BDH1: variants seen among roughly 807,000 people sequenced by gnomAD.
BDH1 encodes the protein 3-hydroxybutyrate dehydrogenase 1, also known as D-beta-hydroxybutyrate dehydrogenase, mitochondrial.
Under a neutral mutation model 33.1 loss-of-function variants are expected in BDH1, and 30 were observed. The ratio of observed to expected loss-of-function variants is 0.91; its 90% confidence interval spans 0.68 to 1.23. BDH1 has a LOEUF of 1.23. Ranked by LOEUF, BDH1 falls within the 50% of genes most tolerant of loss-of-function variation. The probability of loss-of-function intolerance (pLI) is 0.00; values close to 1 mark genes in which losing one functional copy is unlikely to be tolerated. For missense variants in BDH1, 443 were observed against 464.4 expected, an observed-to-expected ratio of 0.95 and a Z score of 0.42; for synonymous variants, 190 against 183.6, an observed-to-expected ratio of 1.03 and a Z score of -0.28.
intron 2 of BDH1, among the ~76,000 whole-genome samples, chr3:197,547,982 A>G (rs77655760): frequency 0.072 from 10,932 of 152,268 alleles, 461 homozygotes; most frequent in African/African-American, 0.083. Flanking sequence ...TATTTACTTT[A>G]TCTTCTACTA....
rs1007414308 is a variant in BDH1 at position 197,528,890 on chromosome 3, G to T, written c.267+3522C>A. The T allele has an allele frequency of 6.6e-6, 1 of 152,292 alleles. No individual in the cohort carries two copies. The highest frequency in any genetic ancestry group is 1.5e-5 in the Non-Finnish European group (1 of 68,076). 9.4% of individuals were successfully genotyped at this position (152,292 alleles called of 1,614,324 possible). A position where few individuals can be genotyped will look rare whatever the true frequency, so the allele number is the denominator to read the frequency against. ...AGGCCCTTTTGAAGAGTCTTCTGCAGCATCGAGCAGCCTCTGCCCTGTGCT... is the reference window on the plus strand; with the variant it reads ...AGGCCCTTTTGAAGAGTCTTCTGCATCATCGAGCAGCCTCTGCCCTGTGCT... On this transcript the variant is annotated intron_variant, in intron 5 of 7. Coordinates refer to ENST00000392379, the MANE Select transcript of BDH1 (RefSeq NM_203314.3). This position sits in a 1 kb window ranked among gnomAD's most constrained non-coding sequence, Gnocchi z 5.1.
intron 3 of BDH1, chr3:197,538,161 TAGAGA>T (rs1715309503): frequency 5.2e-6 from 2 of 381,754 alleles, no homozygotes; most frequent in Non-Finnish European, 1.0e-5. Context: ...ACAGAAAGAA[TAGAGA>T]AAAGTACATC....
intron 2 of BDH1, among the ~76,000 whole-genome samples, chr3:197,549,256 T>C (rs542003304): frequency 6.6e-6 from 1 of 152,298 alleles, no homozygotes; most frequent in Admixed American, 6.5e-5. Flanking sequence ...ACCTGGAATC[T>C]TGGAGACATT....
upstream of BDH1, among the ~76,000 whole-genome samples, chr3:197,558,879 G>C (rs1380622218): frequency 6.6e-6 from 1 of 152,104 alleles, no homozygotes; most frequent in Non-Finnish European, 1.5e-5. Context: ...TATCTTCATG[G>C]ATCTCCATTG....
intron 3 of BDH1, among the ~76,000 whole-genome samples, chr3:197,536,093 T>C (rs1715130970): frequency 6.6e-6 from 1 of 152,200 alleles, no homozygotes; most frequent in African/African-American, 2.4e-5. Flanking sequence ...CTTAAGTCTA[T>C]GATCCATTAA....
rs1711899024 is a variant in BDH1, at chr3:197,510,681, TA to T, written c.*1213del. The T allele has an allele frequency of 7.4e-5, 3 of 40,360 alleles. No homozygotes were observed. The highest frequency in any genetic ancestry group is 2.8e-4 in the Admixed American group (1 of 3,576). The allele number at this position is 40,360 out of a possible 1,614,324, so 2.5% of individuals were successfully genotyped here. On this transcript the variant is annotated 3_prime_UTR_variant, in exon 8 of 8. Coordinates refer to ENST00000392379, the MANE Select transcript of BDH1 (RefSeq NM_203314.3). ...GTGTGTGTGTGTGTGTACATGTGTG[TA>T]AGGTGTGTGTGTGTGTGTGTGTGTG...
chr3:197,552,221 G>A (rs764219496), intron 2 of BDH1, among the ~76,000 whole-genome samples: 36 of 152,146 alleles, frequency 2.4e-4, no homozygotes, highest in African/African-American at 6.3e-4. Flanking sequence ...CCCAGTGCTC[G>A]GCAAGTCCTA....
chr3:197,573,247 T>G (rs951794714), exon 1 of BDH1: 2 of 152,226 alleles, frequency 1.3e-5, no homozygotes, highest in African/African-American at 4.8e-5. Flanking sequence ...ACCAGCCGGA[T>G]CCTCTTAATT....
rs1215335182 is a variant in BDH1, at chr3:197,512,102, C to T, written c.825G>A (p.Lys275=). 18 of 1,614,246 alleles carry T rather than the reference C, an allele frequency of 1.1e-5. No individual in the cohort carries two copies. Among genetic ancestry groups the T allele is most frequent in the Non-Finnish European group, 1.5e-5 (18 of 1,180,046 alleles). The part of the protein sequence containing the change: ...PEVVRKDYGK[K]YFDEKIAKME... ...TCTTGGCGATCTTTTCATCAAAGTACTTCTTGCCGTAGTCCTTGCGCACGA... is the reference window on the plus strand; with the variant it reads ...TCTTGGCGATCTTTTCATCAAAGTATTTCTTGCCGTAGTCCTTGCGCACGA... The change falls in exon 8 of 8, where the codon AAG becomes AAA. Residue 275 remains lysine, a synonymous_variant. Transcript: ENST00000392379.
intron 3 of BDH1, among the ~76,000 whole-genome samples, chr3:197,535,731 T>A (rs1172011182): frequency 6.6e-6 from 1 of 152,208 alleles, no homozygotes; most frequent in African/African-American, 2.4e-5. Context: ...AAAGATTTTC[T>A]TCTATGTTCT....
chr3:197,533,384 TG>T, intron 4 of BDH1, 104 bp downstream of exon 4: 1 of 1,220,438 alleles, frequency 8.2e-7, no homozygotes, highest in Non-Finnish European at 1.2e-6. Context: ...CCCAGTGTCC[TG>T]GAAACACTAA....
Position 197,512,035 on chromosome 3 carries a change from CAG to C in BDH1, c.890_891del (p.Pro297ArgfsTer91). 1 of 1,614,156 alleles carries C rather than the reference CAG, an allele frequency of 6.2e-7. No homozygotes were observed. Among genetic ancestry groups the C allele is most frequent in the Admixed American group, 1.7e-5 (1 of 60,020 alleles). ...YCSSGSTDTS[P>X]VIDAVTHALT... ...AGGGCGTGTGTGACAGCATCGATGA[CAG>C]GGGACGTGTCTGTGGAGCCACTGCT... On this transcript the variant is annotated frameshift_variant, in exon 8 of 8. Coordinates refer to ENST00000392379, the MANE Select transcript of BDH1 (RefSeq NM_203314.3). LOFTEE classifies it high-confidence loss of function.
At chr3:197,551,018 A>G (rs1202766482) in intron 2 of BDH1, among the ~76,000 whole-genome samples, 1 of 152,222 alleles carries the variant, frequency 6.6e-6, no homozygotes, top group Non-Finnish European at 1.5e-5. Flanking sequence ...CACCTGAGGG[A>G]AAATGGAGTA....
intron 3 of BDH1, among the ~76,000 whole-genome samples, chr3:197,536,962 ATTGTT>A (rs931019515): frequency 1.6e-4 from 25 of 152,160 alleles, no homozygotes; most frequent in Admixed American, 1.2e-3. Flanking sequence ...TACAAATGGT[ATTGTT>A]TTGTTTTGTT....
chr3:197,553,170 G>A (rs112344314), intron 2 of BDH1, among the ~76,000 whole-genome samples: 7,540 of 150,722 alleles, frequency 0.05, 611 homozygotes, highest in African/African-American at 0.17. Flanking sequence ...TGCCCACCTC[G>A]GCCTCCCAAA....
At chr3:197,546,900 C>T (rs1166995341) in intron 2 of BDH1, among the ~76,000 whole-genome samples, 1 of 152,204 alleles carries the variant, frequency 6.6e-6, no homozygotes, top group African/African-American at 2.4e-5. Flanking sequence ...CCTGTGGTGC[C>T]CCAGGGCATC....
Position 197,528,566 on chromosome 3 carries a change from C to A in BDH1, c.267+3846G>T, listed in dbSNP as rs1031123783. The A allele has an allele frequency of 6.6e-6, 1 of 152,254 alleles. No homozygotes were observed. Among genetic ancestry groups the A allele is most frequent in the South Asian group, 2.1e-4 (1 of 4,836 alleles). The allele number at this position is 152,254 out of a possible 1,614,324, so 9.4% of individuals were successfully genotyped here. A position where few individuals can be genotyped will look rare whatever the true frequency, so the allele number is the denominator to read the frequency against. On this transcript the variant is annotated intron_variant, in intron 5 of 7. Transcript: ENST00000392379. This position sits in a 1 kb window ranked among gnomAD's most constrained non-coding sequence, Gnocchi z 5.1. ...AGCAAATTCCCCCTTTCAACCCCCA[C>A]GGTGCCTTATCCAAAGCCTCTGGTG...
chr3:197,512,453 G>C, intron 7 of BDH1, 89 bp from the exon 8 acceptor site: 1 of 1,401,502 alleles, frequency 7.1e-7, no homozygotes, highest in Non-Finnish European at 9.5e-7. Context: ...AGGCTTGGCT[G>C]GAACCACTTC....
rs1228035546 is a variant in BDH1 at position 197,521,069 on chromosome 3, C to T, written c.409+1571G>A. Among the ~76,000 whole-genome samples, 1 of 152,188 alleles carries T rather than the reference C, an allele frequency of 6.6e-6. No individual in the cohort carries two copies. The highest frequency in any genetic ancestry group is 1.5e-5 in the Non-Finnish European group (1 of 68,022). On this transcript the variant is annotated intron_variant, in intron 6 of 7. Transcript: ENST00000392379. This position sits in a 1 kb window ranked among gnomAD's most constrained non-coding sequence, Gnocchi z 4.9. The stretch of plus-strand genomic sequence containing the variant: ...CTGATACAGGCTCAGCAGAGCTCCC[C>T]GCATGGGATCTGGTCACTCCTGCCT...
Sources: gnomAD v4.1 joint callset for allele counts (sites outside exome capture counted in the v4.1 genomes callset) on GRCh38, gnomAD v4.1.1 for gene constraint, Gnocchi (gnomAD v3.1) non-coding constraint, MANE v1.5 for transcripts, NCBI Gene and HGNC (gene_info 2026-07-23, HGNC 2026-07-21) for gene names.